The following CHSY1 variants were observed in gnomAD, a reference collection of about 807,000 sequenced individuals.
CHSY1 encodes the protein chondroitin sulfate synthase 1, also known as N-acetylgalactosaminyl-proteoglycan 3-beta-glucuronosyltransferase 1.
Under a neutral mutation model 59.8 loss-of-function variants are expected in CHSY1, and 13 were observed. The ratio of observed to expected loss-of-function variants is 0.22; its 90% CI spans 0.14 to 0.35. CHSY1 has a LOEUF of 0.35. CHSY1 is among the 10% of genes least tolerant of loss of function. CHSY1 has a pLI of 1.00. For synonymous variants in CHSY1, 459 were observed against 401.2 expected, an observed-to-expected ratio of 1.14 and a Z score of -1.72; for missense variants, 947 against 1,030.6, an observed-to-expected ratio of 0.92 and a Z score of 1.11.
At chr15:101,211,872 C>T (rs1462510659) in intron 2 of CHSY1, among the ~76,000 whole-genome samples, 2 of 147,270 alleles carry the variant, frequency 1.4e-5, no homozygotes, top group East Asian at 3.9e-4. Context: ...AACAAACAAA[C>T]AAAAAACCCC....
intron 1 of CHSY1, among the ~76,000 whole-genome samples, chr15:101,241,708 TGGCTACACGGCA>T (rs1441980849): frequency 6.6e-6 from 1 of 152,232 alleles, no homozygotes; most frequent in Non-Finnish European, 1.5e-5. Context: ...TGCTGTCTGA[TGGCTACACGGCA>T]GTCAGTTTAA....
chr15:101,207,016 T>TA (rs1020170850), intron 2 of CHSY1, among the ~76,000 whole-genome samples: 5 of 152,188 alleles, frequency 3.3e-5, no homozygotes, highest in African/African-American at 1.2e-4. Flanking sequence ...ATTCCAAAAT[T>TA]AGTTTAATTT....
At chr15:101,245,473 C>G (rs574497953) in intron 1 of CHSY1, among the ~76,000 whole-genome samples, 1 of 152,332 alleles carries the variant, frequency 6.6e-6, no homozygotes, top group South Asian at 2.1e-4. Context: ...CGCACCCTGA[C>G]AGCCCTCATC....
chr15:101,204,687 T>C (rs2038607477), intron 2 of CHSY1, among the ~76,000 whole-genome samples: 1 of 151,976 alleles, frequency 6.6e-6, no homozygotes, highest in Non-Finnish European at 1.5e-5. Flanking sequence ...GCAGATCACT[T>C]GAGGACAGGG....
intron 2 of CHSY1, among the ~76,000 whole-genome samples, chr15:101,197,319 T>C (rs1226964821): frequency 6.6e-6 from 1 of 152,234 alleles, no homozygotes; most frequent in Non-Finnish European, 1.5e-5. Context: ...CGTTAAGCTT[T>C]GGTAACTAAT....
At chr15:101,229,126 G>C (rs932496012) in intron 2 of CHSY1, among the ~76,000 whole-genome samples, 5 of 152,032 alleles carry the variant, frequency 3.3e-5, no homozygotes, top group African/African-American at 1.2e-4. Context: ...TGGTACACTA[G>C]GTAATAAAAA....
intron 1 of CHSY1, among the ~76,000 whole-genome samples, chr15:101,250,865 G>A (rs1044057209): frequency 5.9e-5 from 9 of 152,198 alleles, no homozygotes; most frequent in African/African-American, 1.2e-4. Context: ...ATTTGCAAAG[G>A]CTAAAGTGCC....
intron 2 of CHSY1, among the ~76,000 whole-genome samples, chr15:101,226,370 C>T (rs78398530): frequency 0.019 from 2,900 of 152,216 alleles, 63 homozygotes; most frequent in East Asian, 0.067. Context: ...CACCCTATAA[C>T]GTAGACAATT....
At chr15:101,246,810 G>A (rs925095700) in intron 1 of CHSY1, among the ~76,000 whole-genome samples, 3 of 152,138 alleles carry the variant, frequency 2.0e-5, no homozygotes, top group Non-Finnish European at 4.4e-5. Context: ...ATCAGAAAGG[G>A]AAAGACATAG....
intron 2 of CHSY1, among the ~76,000 whole-genome samples, chr15:101,211,864 C>A (rs2038685805): frequency 6.8e-6 from 1 of 147,334 alleles, no homozygotes; most frequent in Admixed American, 6.8e-5. Context: ...GTAAGACGAA[C>A]AAACAAACAA....
intron 2 of CHSY1, among the ~76,000 whole-genome samples, chr15:101,228,807 T>C (rs1437223443): frequency 6.6e-6 from 1 of 152,220 alleles, no homozygotes; most frequent in African/African-American, 2.4e-5. Context: ...TAAGGGTAAC[T>C]ACATAGGTAA....
intron 2 of CHSY1, among the ~76,000 whole-genome samples, chr15:101,200,776 G>T (rs1017538814): frequency 6.6e-6 from 1 of 152,064 alleles, no homozygotes; most frequent in Admixed American, 6.5e-5. Context: ...TGAACCTGTC[G>T]GGGTGGTCTT....
At chr15:101,181,593 A>G (rs1211904319) in intron 2 of CHSY1, among the ~76,000 whole-genome samples, 1 of 152,158 alleles carries the variant, frequency 6.6e-6, no homozygotes, top group East Asian at 1.9e-4. Flanking sequence ...TTCTCTCTCC[A>G]GCCCCACTGG....
At chr15:101,185,234 A>G (rs2038340544) in intron 2 of CHSY1, among the ~76,000 whole-genome samples, 1 of 152,266 alleles carries the variant, frequency 6.6e-6, no homozygotes, top group African/African-American at 2.4e-5. Flanking sequence ...AGGAAATGTG[A>G]AATATAATGC....
chr15:101,189,448 C>G, intron 2 of CHSY1: 1 of 985,570 alleles, frequency 1.0e-6, no homozygotes, highest in Non-Finnish European at 1.2e-6. Context: ...TGGATGTAAG[C>G]CAGAAGGGAT....
intron 1 of CHSY1, among the ~76,000 whole-genome samples, chr15:101,246,269 G>A (rs947697032): frequency 6.6e-6 from 1 of 151,392 alleles, no homozygotes; most frequent in African/African-American, 2.4e-5. Flanking sequence ...TCAGCCCAGA[G>A]AGGGTAAGAA....
At chr15:101,188,448 C>T (rs188202929) in intron 2 of CHSY1, among the ~76,000 whole-genome samples, 39 of 152,266 alleles carry the variant, frequency 2.6e-4, no homozygotes, top group Admixed American at 1.5e-3. Flanking sequence ...ACTCTCAGGA[C>T]GCATGGTTAT....
chr15:101,237,898 C>T (rs2038963632), intron 1 of CHSY1, among the ~76,000 whole-genome samples: 1 of 152,056 alleles, frequency 6.6e-6, no homozygotes, highest in Non-Finnish European at 1.5e-5. Flanking sequence ...TTTATTTTAC[C>T]TGTTACAAGT....
chr15:101,241,197 T>C (rs1030637268), intron 1 of CHSY1, among the ~76,000 whole-genome samples: 1 of 152,166 alleles, frequency 6.6e-6, no homozygotes, highest in African/African-American at 2.4e-5. Flanking sequence ...TTCAAACGAT[T>C]CTCCTGCCTC....
Sources: gnomAD v4.1 joint callset for allele counts (sites outside exome capture counted in the v4.1 genomes callset) on GRCh38, gnomAD v4.1.1 for gene constraint, MANE v1.5 for transcripts, NCBI Gene and HGNC (gene_info 2026-07-23, HGNC 2026-07-21) for gene names.